The following POMT2 variants were observed in gnomAD, a reference collection of about 807,000 sequenced individuals.
The protein encoded by POMT2 is protein O-mannosyl-transferase 2.
In POMT2, 75 loss-of-function variants were observed where a neutral mutation model predicts 100.0. The observed-to-expected ratio is 0.75, with a 90% CI of 0.62 to 0.91. POMT2 has a LOEUF of 0.91. Among genes scored for constraint, POMT2 ranks in the 40% least tolerant of loss-of-function variants. The probability of loss-of-function intolerance (pLI) is 0.00; values close to 1 mark genes in which losing one functional copy is unlikely to be tolerated. For missense variants in POMT2, 940 were observed against 955.1 expected, an observed-to-expected ratio of 0.98 and a Z score of 0.21; for synonymous variants, 378 against 374.1, an observed-to-expected ratio of 1.01 and a Z score of -0.12.
At chr14:77,316,565 C>T (rs1000684156) in intron 1 of POMT2, among the ~76,000 whole-genome samples, 1 of 100,952 alleles carries the variant, frequency 9.9e-6, no homozygotes, top group Admixed American at 1.1e-4. Context: ...GATCTCATCT[C>T]TAAAAAAAAA....
intron 1 of POMT2, among the ~76,000 whole-genome samples, chr14:77,317,956 CAT>C (rs1891689565): frequency 6.6e-6 from 1 of 152,212 alleles, no homozygotes; most frequent in Non-Finnish European, 1.5e-5. Context: ...CAGTGGCCCA[CAT>C]GTGTCAAGGT....
At chr14:77,286,074 A>G (rs1337495357) in intron 12 of POMT2, among the ~76,000 whole-genome samples, 1 of 152,214 alleles carries the variant, frequency 6.6e-6, no homozygotes, top group African/African-American at 2.4e-5. Flanking sequence ...GGAAATTAAG[A>G]CATGTATGTC....
At position 77,320,794 on chromosome 14, in the gene POMT2, C is replaced by T. The variant is rs1891868176; in HGVS notation, c.-113G>A. ...GGGGTACCCCGGGAAATGCAACGCC[C>T]TTCACTGCAGCGGAGCGCGGGGCCC... On this transcript the variant is annotated 5_prime_UTR_variant, in exon 1 of 21. Transcript: ENST00000261534. 2.2e-5 allele frequency: 32 copies of T among 1,455,634 alleles called. No homozygotes were observed. The highest frequency in any genetic ancestry group is 2.9e-5 in the Non-Finnish European group (32 of 1,114,136). 90.2% of individuals were successfully genotyped at this position (1,455,634 alleles called of 1,614,324 possible).
chr14:77,293,689 G>A (rs1890722904), intron 9 of POMT2, among the ~76,000 whole-genome samples: 1 of 152,196 alleles, frequency 6.6e-6, no homozygotes, highest in Non-Finnish European at 1.5e-5. Flanking sequence ...CAGGATGAAA[G>A]GCTAAAAGAT....
chr14:77,312,942 C>T (rs1891492854), intron 1 of POMT2, among the ~76,000 whole-genome samples: 1 of 152,220 alleles, frequency 6.6e-6, no homozygotes, highest in Non-Finnish European at 1.5e-5. Context: ...ATTAAGACCA[C>T]ATCTAAAACC....
intron 1 of POMT2, 198 bp from the exon 2 acceptor site, chr14:77,312,231 T>C (rs908197469): frequency 9.3e-6 from 8 of 857,390 alleles, no homozygotes; most frequent in African/African-American, 3.4e-5. Context: ...TTCATTTAGA[T>C]AGATGAGAAA....
At chr14:77,286,913 C>T in intron 11 of POMT2, 91 bp from the exon 12 acceptor site, 3 of 1,593,648 alleles carry the variant, frequency 1.9e-6, no homozygotes, top group Non-Finnish European at 2.6e-6. Context: ...AGTCAACTGT[C>T]AGGATAAGAA....
chr14:77,294,331 T>G (rs370477476), intron 9 of POMT2, among the ~76,000 whole-genome samples: 50 of 152,316 alleles, frequency 3.3e-4, no homozygotes, highest in African/African-American at 1.1e-3. Context: ...TTTTATTTTT[T>G]TATTTTTTGA....
At chr14:77,319,570 C>T (rs905530907) in intron 1 of POMT2, 33 of 152,252 alleles carry the variant, frequency 2.2e-4, no homozygotes, top group Admixed American at 2.0e-3. Context: ...CCCTCCAGGA[C>T]AAAGAGGAGG....
chr14:77,282,744 A>G (rs1334632760), intron 15 of POMT2, among the ~76,000 whole-genome samples: 2 of 152,222 alleles, frequency 1.3e-5, no homozygotes, highest in East Asian at 3.8e-4. Context: ...AATTTTTAAA[A>G]TTTAATCTGG....
chr14:77,307,811 C>T (rs1023261742), intron 2 of POMT2, among the ~76,000 whole-genome samples: 2 of 151,536 alleles, frequency 1.3e-5, no homozygotes, highest in East Asian at 3.9e-4. Context: ...AAATTCAATT[C>T]TCTCTCAGTT....
intron 9 of POMT2, among the ~76,000 whole-genome samples, chr14:77,294,728 C>T (rs978719189): frequency 1.3e-5 from 2 of 152,184 alleles, no homozygotes; most frequent in Admixed American, 1.3e-4. Context: ...TGTGAGGCCT[C>T]CCCAGCCATG....
At chr14:77,292,146 C>T (rs1341843012) in intron 9 of POMT2, among the ~76,000 whole-genome samples, 1 of 152,224 alleles carries the variant, frequency 6.6e-6, no homozygotes, top group African/African-American at 2.4e-5. Context: ...ATATCCTGTC[C>T]TAGAATTTAA....
rs1057523411 is a variant in POMT2 at position 77,278,778 on chromosome 14, G to A, written c.1983C>T (p.Leu661=). The A allele has an allele frequency of 3.7e-6, 6 of 1,613,976 alleles. No individual in the cohort carries two copies. Among genetic ancestry groups the A allele is most frequent in the Admixed American group, 1.7e-5 (1 of 60,028 alleles). The change falls in exon 19 of 21, where the codon CTC becomes CTT. Residue 661 remains leucine, a synonymous_variant. Transcript: ENST00000261534. ...TGGCTGGGAAGTAGTGGTGGAAGTA[G>A]AGGACCCGGCCCATCAGGAAAAACG... ...YFPFFLMGRV[L]YFHHYFPAML...
intron 1 of POMT2, 47 bp downstream of exon 1, chr14:77,320,387 C>T: frequency 3.9e-6 from 6 of 1,543,028 alleles, no homozygotes; most frequent in Non-Finnish European, 5.2e-6. Context: ...AGGGCGGCGT[C>T]CCGTCGCGGT....
intron 5 of POMT2, 80 bp downstream of exon 5, chr14:77,302,755 C>G: frequency 8.3e-7 from 1 of 1,200,404 alleles, no homozygotes; most frequent in South Asian, 1.3e-5. Flanking sequence ...TCTGGGCACC[C>G]GCCCTGGCCC....
In POMT2 at chr14:77,277,372, G is replaced by A. The variant is rs1890005690; in HGVS notation, c.*4C>T. On this transcript the variant is annotated 3_prime_UTR_variant, in exon 21 of 21. Transcript: ENST00000261534. Reference sequence around the variant, plus strand: ...GGACCCAGGCTGGAATCTTTGCAGTGGCCTCAAAAGTCCCATGAGTCCAGC... The same window carrying A: ...GGACCCAGGCTGGAATCTTTGCAGTAGCCTCAAAAGTCCCATGAGTCCAGC... 1 of 1,605,852 alleles carries A rather than the reference G, an allele frequency of 6.2e-7. No homozygotes were observed. Among genetic ancestry groups the A allele is most frequent in the Non-Finnish European group, 8.5e-7 (1 of 1,172,558 alleles).
At chr14:77,284,682 G>A (rs1313045306) in intron 14 of POMT2, among the ~76,000 whole-genome samples, 1 of 152,188 alleles carries the variant, frequency 6.6e-6, no homozygotes. Context: ...TGGTGCAGGG[G>A]AGAGAGGAGC....
chr14:77,299,385 C>T (rs1163078109), intron 7 of POMT2, 70 bp downstream of exon 7: 3 of 1,367,532 alleles, frequency 2.2e-6, no homozygotes, highest in Non-Finnish European at 3.1e-6. Flanking sequence ...AGAAAATCAT[C>T]CGACCCCTCC....
Sources: allele counts gnomAD v4.1 joint callset (sites outside exome capture counted in the v4.1 genomes callset), GRCh38; gene constraint gnomAD v4.1.1; transcripts MANE v1.5; gene names NCBI Gene and HGNC (gene_info 2026-07-23, HGNC 2026-07-21).